Variants in CYSLTR2 observed in about 807,000 individuals in gnomAD.
CYSLTR2 encodes the protein cysteinyl leukotriene receptor 2.
For synonymous variants in CYSLTR2, 179 were observed against 160.8 expected, an observed-to-expected ratio of 1.11 and a Z score of -0.86; for missense variants, 398 against 411.9, an observed-to-expected ratio of 0.97 and a Z score of 0.29.
intron 4 of CYSLTR2, among the ~76,000 whole-genome samples, chr13:48,697,370 G>A (rs528167049): frequency 3.3e-4 from 50 of 152,306 alleles, no homozygotes; most frequent in Non-Finnish European, 5.4e-4. Flanking sequence ...CTGTTCTGCC[G>A]CTTCCACTGG....
At chr13:48,683,480 A>G (rs1420528265) in intron 1 of CYSLTR2, among the ~76,000 whole-genome samples, 1 of 152,158 alleles carries the variant, frequency 6.6e-6, no homozygotes, top group Non-Finnish European at 1.5e-5. Flanking sequence ...TCTAATGATC[A>G]GTGATATTGA....
Position 48,709,008 on chromosome 13 carries a change from A to G in CYSLTR2, c.*1150A>G, listed in dbSNP as rs200736204. The G allele has an allele frequency of 3.0e-5, 5 of 167,218 alleles. No homozygotes were observed. The South Asian group carries it at 1.0e-3, about 35-fold the overall frequency. The allele number at this position is 167,218 out of a possible 1,614,324, so 10.4% of individuals were successfully genotyped here. On this transcript the variant is annotated 3_prime_UTR_variant, in exon 5 of 5. Coordinates refer to ENST00000682523, the MANE Select transcript of CYSLTR2 (RefSeq NM_001308476.3). Reference sequence around the variant, plus strand: ...TATGCCAGGCACTTTACATTTGTTGATCCCATTTGACATTCACACCAAAGC... The same window carrying G: ...TATGCCAGGCACTTTACATTTGTTGGTCCCATTTGACATTCACACCAAAGC...
chr13:48,685,388 A>G (rs1271339831), intron 1 of CYSLTR2, among the ~76,000 whole-genome samples: 1 of 152,192 alleles, frequency 6.6e-6, no homozygotes, highest in Non-Finnish European at 1.5e-5. Flanking sequence ...CCCACCTCCA[A>G]CACTGGAGAT....
At chr13:48,681,978 TATATGGCCATGTGA>T (rs1370876131) in intron 1 of CYSLTR2, among the ~76,000 whole-genome samples, 1 of 152,246 alleles carries the variant, frequency 6.6e-6, no homozygotes, top group Non-Finnish European at 1.5e-5. Flanking sequence ...AAGTAGGTTC[TATATGGCCATGTGA>T]AAAGGGCAAG....
At chr13:48,660,240 T>C (rs1456488414) in intron 1 of CYSLTR2, among the ~76,000 whole-genome samples, 2 of 152,298 alleles carry the variant, frequency 1.3e-5, no homozygotes, top group East Asian at 1.9e-4. Flanking sequence ...TCCCCTGGCA[T>C]GTTTGGATGC....
At chr13:48,675,700 A>G (rs1020680097) in intron 1 of CYSLTR2, among the ~76,000 whole-genome samples, 2 of 152,164 alleles carry the variant, frequency 1.3e-5, no homozygotes, top group Admixed American at 6.5e-5. Flanking sequence ...AGGCATAGCA[A>G]AAAACTCCTG....
rs749842887 is a variant in CYSLTR2 at position 48,674,810 on chromosome 13, C to T, written c.-265-16402C>T. 6.6e-5 allele frequency among the ~76,000 whole-genome samples: 10 copies of T among 152,064 alleles called. 1 individual carries two copies. The highest frequency in any genetic ancestry group is 1.9e-4 in the East Asian group (1 of 5,194). On this transcript the variant is annotated intron_variant, in intron 1 of 4. Coordinates refer to ENST00000682523, the MANE Select transcript of CYSLTR2 (RefSeq NM_001308476.3). ...GTGACCTTTGGATGGGATTTTTGCA[C>T]GGGCATCCTTTTTGTTAATGTTGAT...
chr13:48,676,076 C>T (rs920272847), intron 1 of CYSLTR2, among the ~76,000 whole-genome samples: 11 of 152,278 alleles, frequency 7.2e-5, no homozygotes, highest in East Asian at 1.9e-4. Flanking sequence ...AGCTGCAAAC[C>T]GGAGCTGTTC....
intron 3 of CYSLTR2, among the ~76,000 whole-genome samples, chr13:48,694,295 G>C (rs1246962639): frequency 6.6e-6 from 1 of 152,236 alleles, no homozygotes; most frequent in Non-Finnish European, 1.5e-5. Flanking sequence ...AAGCATGTCA[G>C]TCCTGAATTC....
intron 1 of CYSLTR2, among the ~76,000 whole-genome samples, chr13:48,655,067 T>C (rs1387759029): frequency 6.6e-6 from 1 of 152,220 alleles, no homozygotes; most frequent in Non-Finnish European, 1.5e-5. Context: ...ATTTCTATCA[T>C]CTACTCAGCC....
chr13:48,704,556 C>T (rs539493317), intron 4 of CYSLTR2, among the ~76,000 whole-genome samples: 11 of 146,992 alleles, frequency 7.5e-5, no homozygotes, highest in Non-Finnish European at 1.4e-4. Context: ...ATTCTTATTT[C>T]GTGACTTTTC....
chr13:48,707,243 C>G lies in CYSLTR2; in HGVS notation c.426C>G (p.His142Gln). ...TTGTGCGTTTCCTGGCAATGGTTCA[C>G]CCCTTTCGGCTTCTGCATGTCACCA... ...LSVVRFLAMVHPFRLLHVTSI... is the reference protein window; with the variant it reads ...LSVVRFLAMVQPFRLLHVTSI... Residue 142 changes from histidine to glutamine, a missense_variant, in exon 5 of 5, where the codon CAC (histidine) becomes CAG (glutamine). Transcript: ENST00000682523. 2 of 1,614,078 alleles carry G rather than the reference C, an allele frequency of 1.2e-6. No homozygotes were observed. Among genetic ancestry groups the G allele is most frequent in the Non-Finnish European group, 1.7e-6 (2 of 1,180,034 alleles).
rs1184591433 is a variant in CYSLTR2 at position 48,668,063 on chromosome 13, TATGTGCTTGTCAGA to T, written c.-266+14049_-266+14062del. On this transcript the variant is annotated intron_variant, in intron 1 of 4. Transcript: ENST00000682523. Reference sequence around the variant, plus strand: ...ATGATGTTTACCAAGTTCCCTCAAATATGTGCTTGTCAGAATAGGGTATGCAAAATCAGTAGAAG... The same window carrying T: ...ATGATGTTTACCAAGTTCCCTCAAATATAGGGTATGCAAAATCAGTAGAAG... Among the ~76,000 whole-genome samples, 4 of 152,152 alleles carry T rather than the reference TATGTGCTTGTCAGA, an allele frequency of 2.6e-5. No homozygotes were observed. In the South Asian group the frequency reaches 8.3e-4, roughly 31 times the overall value.
Position 48,709,220 on chromosome 13 carries a change from C to G in CYSLTR2, c.*1362C>G, listed in dbSNP as rs1954579105. ...AAAGTCTGAATAAAAGCTGTCCTTT[C>G]CTACCAATTTCCTCCCCCTCCTCAC... On this transcript the variant is annotated 3_prime_UTR_variant, in exon 5 of 5. Coordinates refer to ENST00000682523, the MANE Select transcript of CYSLTR2 (RefSeq NM_001308476.3). The G allele has an allele frequency of 6.0e-6, 1 of 167,122 alleles. No homozygotes were observed. Among genetic ancestry groups the G allele is most frequent in the Admixed American group, 6.5e-5 (1 of 15,290 alleles). The allele number at this position is 167,122 out of a possible 1,614,324, so 10.4% of individuals were successfully genotyped here.
At chr13:48,703,603 T>G (rs949180626) in intron 4 of CYSLTR2, among the ~76,000 whole-genome samples, 1 of 152,208 alleles carries the variant, frequency 6.6e-6, no homozygotes, top group Non-Finnish European at 1.5e-5. Flanking sequence ...ATTCTTTTCA[T>G]ATATTGCTAA....
intron 1 of CYSLTR2, among the ~76,000 whole-genome samples, chr13:48,690,148 T>C (rs1173830956): frequency 6.6e-6 from 1 of 152,216 alleles, no homozygotes; most frequent in Non-Finnish European, 1.5e-5. Context: ...GAAGGAGTTT[T>C]TGGGCTGAGA....
At chr13:48,665,074 T>C (rs1250504397) in intron 1 of CYSLTR2, among the ~76,000 whole-genome samples, 2 of 152,146 alleles carry the variant, frequency 1.3e-5, no homozygotes, top group African/African-American at 4.8e-5. Flanking sequence ...TACCCATTGG[T>C]TATTCAGAAG....
intron 1 of CYSLTR2, among the ~76,000 whole-genome samples, chr13:48,678,469 T>A (rs764531153): frequency 6.6e-6 from 1 of 152,110 alleles, no homozygotes; most frequent in Non-Finnish European, 1.5e-5. Context: ...GTCCCTTAAT[T>A]GTTGGTGTTC....
rs1172912967 is a variant in CYSLTR2 at position 48,706,814 on chromosome 13, CA to C, written c.-1-2del. On this transcript the variant is annotated splice_acceptor_variant, in intron 4 of 4. Coordinates refer to ENST00000682523, the MANE Select transcript of CYSLTR2 (RefSeq NM_001308476.3). LOFTEE classifies it low-confidence loss of function (5UTR_SPLICE). ...TTTTTGTGTCTGTTTCTTTTTAACC[CA>C]GCATGGAGAGAAAATTTATGTCCTT... 1.3e-6 allele frequency: 2 copies of C among 1,599,396 alleles called. No individual in the cohort carries two copies. Among genetic ancestry groups the C allele is most frequent in the African/African-American group, 2.7e-5 (2 of 74,076 alleles).
Sources: allele counts gnomAD v4.1 joint callset (sites outside exome capture counted in the v4.1 genomes callset), GRCh38; gene constraint gnomAD v4.1.1; transcripts MANE v1.5; gene names NCBI Gene and HGNC (gene_info 2026-07-23, HGNC 2026-07-21).